MRTFA: variants seen among roughly 807,000 people sequenced by gnomAD.
MRTFA encodes myocardin related transcription factor A.
In MRTFA, 20 loss-of-function variants were observed where a neutral mutation model predicts 83.5. The ratio of observed to expected loss-of-function variants is 0.24; its 90% CI spans 0.17 to 0.35. The LOEUF is 0.35. Among genes scored for constraint, MRTFA ranks in the 10% least tolerant of loss-of-function variants. MRTFA has a pLI of 1.00. For missense variants in MRTFA, 1,200 were observed against 1,224.7 expected (o/e 0.98, Z 0.30); for synonymous variants, 659 against 541.2 (o/e 1.22, Z -3.02).
chr22:40,583,030 A>C (rs1019900461), intron 2 of MRTFA, among the ~76,000 whole-genome samples: 9 of 152,194 alleles, frequency 5.9e-5, no homozygotes, highest in African/African-American at 2.2e-4. Flanking sequence ...ATGAGGCAAA[A>C]TAAAGTAAAA....
At chr22:40,518,420 G>C (rs545292382) in intron 3 of MRTFA, among the ~76,000 whole-genome samples, 2 of 124,212 alleles carry the variant, frequency 1.6e-5, no homozygotes, top group African/African-American at 5.8e-5. Flanking sequence ...TTGGTTGTTG[G>C]TGAGGGAAAA....
chr22:40,457,982 A>C (rs924558498), intron 4 of MRTFA, among the ~76,000 whole-genome samples: 42 of 152,296 alleles, frequency 2.8e-4, no homozygotes, highest in African/African-American at 1.0e-3. Flanking sequence ...TTTCACCTTA[A>C]CCTTATGACC....
chr22:40,433,880 G>A (rs945179384), intron 5 of MRTFA, among the ~76,000 whole-genome samples: 2 of 152,210 alleles, frequency 1.3e-5, no homozygotes, highest in African/African-American at 4.8e-5. Context: ...GTGAATAGAT[G>A]TGCATGGTAA....
chr22:40,413,723 G>A (rs529115080), intron 14 of MRTFA, among the ~76,000 whole-genome samples: 7 of 152,254 alleles, frequency 4.6e-5, no homozygotes, highest in African/African-American at 7.2e-5. Flanking sequence ...GATTACAGGC[G>A]TGAGCTACCA....
At position 40,423,594 on chromosome 22, in the gene MRTFA, G is replaced by T. The variant is rs200309955; in HGVS notation, c.869C>A (p.Pro290His). The change falls in exon 9 of 15, where the codon CCC (proline) becomes CAC (histidine). Residue 290 changes from proline to histidine, a missense_variant. Physicochemically the swap from Pro to His is moderately conservative, Grantham distance 77. Transcript: ENST00000355630. ...GATAGTGGTTCCATTGGTGAGGCTG[G>T]GAGGCAGCAGAGGTGGGGGAGGCAG... 2.5e-6 allele frequency: 4 copies of T among 1,596,850 alleles called. No homozygotes were observed. The highest frequency in any genetic ancestry group is 2.3e-5 in the East Asian group (1 of 43,444).
intron 2 of MRTFA, among the ~76,000 whole-genome samples, chr22:40,578,169 G>A (rs1473142398): frequency 6.6e-6 from 1 of 151,888 alleles, no homozygotes; most frequent in African/African-American, 2.4e-5. Context: ...GGCCAGGCTG[G>A]TCTCGAACTC....
At chr22:40,635,147 A>G (rs2056681206) in intron 1 of MRTFA, among the ~76,000 whole-genome samples, 1 of 152,234 alleles carries the variant, frequency 6.6e-6, no homozygotes, top group Non-Finnish European at 1.5e-5. Flanking sequence ...AATGCAAACG[A>G]CATTAAGCAA....
rs774646318 is a variant in MRTFA, at chr22:40,411,393, C to T, written c.3093G>A (p.Leu1031=). The T allele has an allele frequency of 2.1e-5, 32 of 1,552,750 alleles. No individual in the cohort carries two copies. Among genetic ancestry groups the T allele is most frequent in the Non-Finnish European group, 4.4e-6 (5 of 1,141,514 alleles). ...CACCCCGTCTTGAGCCAGAGAGCTACAAGCAGGAATCCCAGTGCAGCTGCA... is the reference window on the plus strand; with the variant it reads ...CACCCCGTCTTGAGCCAGAGAGCTATAAGCAGGAATCCCAGTGCAGCTGCA... Residue 1031 remains leucine, a synonymous_variant, in exon 15 of 15, where the codon TTG becomes TTA. Coordinates refer to ENST00000355630, the MANE Select transcript of MRTFA (RefSeq NM_020831.6).
chr22:40,590,864 TG>T (rs939629296), intron 2 of MRTFA, among the ~76,000 whole-genome samples: 37 of 152,056 alleles, frequency 2.4e-4, no homozygotes, highest in Admixed American at 5.2e-4. Flanking sequence ...CTGGGCACGG[TG>T]GCTCACAGCT....
At chr22:40,608,698 A>C (rs2056348642) in intron 1 of MRTFA, among the ~76,000 whole-genome samples, 1 of 152,184 alleles carries the variant, frequency 6.6e-6, no homozygotes, top group African/African-American at 2.4e-5. Context: ...TTGCTAAGCA[A>C]GTATAATGTG....
intron 3 of MRTFA, among the ~76,000 whole-genome samples, chr22:40,520,135 T>G (rs569150042): frequency 6.6e-6 from 1 of 152,340 alleles, no homozygotes; most frequent in Non-Finnish European, 1.5e-5. Context: ...ATCACTGATC[T>G]GCTGTCACTC....
intron 4 of MRTFA, among the ~76,000 whole-genome samples, chr22:40,440,151 CAAAAAAA>C (rs376161982): frequency 4.2e-5 from 3 of 70,792 alleles, no homozygotes; most frequent in Non-Finnish European, 9.2e-5. Context: ...GACTCCGTCT[CAAAAAAA>C]AAAAAAAAAA....
chr22:40,555,838 C>A (rs2055514588), intron 2 of MRTFA, among the ~76,000 whole-genome samples: 1 of 151,718 alleles, frequency 6.6e-6, no homozygotes, highest in Non-Finnish European at 1.5e-5. Context: ...CGGGGTTTCA[C>A]CAATGTTAGC....
rs1325360700 is a variant in MRTFA at position 40,417,428 on chromosome 22, C to T, written c.2430G>A (p.Leu810=). Residue 810 remains leucine (L), a synonymous_variant, in exon 13 of 15, where the codon CTG becomes CTA. Transcript: ENST00000355630. Reference sequence around the variant, plus strand: ...AAGTGGGGGTCCCAAAGAGGGGCTGCAGTGGGTGCTCCAGGTCCATCTGGG... The same window carrying T: ...AAGTGGGGGTCCCAAAGAGGGGCTGTAGTGGGTGCTCCAGGTCCATCTGGG... 2.5e-6 allele frequency: 4 copies of T among 1,608,468 alleles called. No individual in the cohort carries two copies. The highest frequency in any genetic ancestry group is 3.4e-6 in the Non-Finnish European group (4 of 1,178,440).
intron 3 of MRTFA, among the ~76,000 whole-genome samples, chr22:40,517,738 A>G (rs1420600628): frequency 6.6e-6 from 1 of 152,202 alleles, no homozygotes; most frequent in Non-Finnish European, 1.5e-5. Context: ...GTTATTCATA[A>G]CAGGTCCCTT....
chr22:40,472,241 T>G (rs2053927722), intron 3 of MRTFA, among the ~76,000 whole-genome samples: 1 of 152,182 alleles, frequency 6.6e-6, no homozygotes, highest in Non-Finnish European at 1.5e-5. Flanking sequence ...AGCAGGTAAT[T>G]CTAATGCAAT....
At chr22:40,606,345 T>G (rs1397178055) in intron 1 of MRTFA, among the ~76,000 whole-genome samples, 1 of 152,188 alleles carries the variant, frequency 6.6e-6, no homozygotes, top group African/African-American at 2.4e-5. Context: ...TTTTACTCAG[T>G]CATTTGAAAA....
chr22:40,419,769 G>A (rs956397017), intron 11 of MRTFA, among the ~76,000 whole-genome samples: 4 of 152,212 alleles, frequency 2.6e-5, no homozygotes, highest in African/African-American at 9.6e-5. Context: ...CAGAGAACAA[G>A]TTCTCAAGGG....
At chr22:40,566,466 C>T (rs1206928403) in intron 2 of MRTFA, among the ~76,000 whole-genome samples, 2 of 152,006 alleles carry the variant, frequency 1.3e-5, no homozygotes, top group African/African-American at 2.4e-5. Context: ...GTGATCCACC[C>T]GCCTCAGCCT....
Sources: allele counts gnomAD v4.1 joint callset (sites outside exome capture counted in the v4.1 genomes callset), GRCh38; gene constraint gnomAD v4.1.1; transcripts MANE v1.5; gene names NCBI Gene and HGNC (gene_info 2026-07-23, HGNC 2026-07-21).